ZNF384: variants seen among roughly 807,000 people sequenced by gnomAD.
ZNF384 encodes the protein CAG repeat protein 1.
ZNF384 carries 20 observed loss-of-function variants against 65.0 expected under a neutral mutation model. The observed-to-expected ratio is 0.31, with a 90% CI of 0.22 to 0.45. ZNF384 has a LOEUF of 0.45. Among genes scored for constraint, ZNF384 ranks in the 20% least tolerant of loss-of-function variants. The probability of loss-of-function intolerance (pLI) is 1.00; values close to 1 mark genes in which losing one functional copy is unlikely to be tolerated. For synonymous variants in ZNF384, 310 were observed against 303.9 expected, an observed-to-expected ratio of 1.02 and a Z score of -0.21; for missense variants, 549 against 769.4, an observed-to-expected ratio of 0.71 and a Z score of 3.39.
At position 6,679,039 on chromosome 12, in the gene ZNF384, A is replaced by G. The variant is rs1422508247; in HGVS notation, c.211T>C (p.Ser71Pro). Reference protein sequence around the residue: ...LPSGISMDTESKSDQLTPHSQ... With the variant: ...LPSGISMDTEPKSDQLTPHSQ... ...TGTGGGGTCAGCTGGTCTGACTTGG[A>G]CTCTGTGTCCATACTGATGCCTGAG... The change falls in exon 4 of 12, where the codon TCC becomes CCC. Residue 71 changes from serine to proline, a missense_variant. Ser to Pro is a moderately conservative substitution (Grantham distance 74, BLOSUM62 -1). Around this residue, in one of 5 missense-constraint regions of ZNF384, gnomAD observed 277 missense variants for 337.2 expected, o/e 0.82. Coordinates refer to ENST00000683879, the MANE Select transcript of ZNF384 (RefSeq NM_001385745.1). 6.2e-7 allele frequency: 1 copy of G among 1,613,408 alleles called. No individual in the cohort carries two copies. Among genetic ancestry groups the G allele is most frequent in the East Asian group, 2.2e-5 (1 of 44,832 alleles).
At chr12:6,677,805 G>C (rs1954258422) in intron 6 of ZNF384, among the ~76,000 whole-genome samples, 1 of 152,148 alleles carries the variant, frequency 6.6e-6, no homozygotes, top group South Asian at 2.1e-4. Context: ...GCAAAAAGGA[G>C]CTGCAGCCAA....
chr12:6,684,465 C>A (rs1957209130), intron 2 of ZNF384, among the ~76,000 whole-genome samples: 1 of 152,156 alleles, frequency 6.6e-6, no homozygotes, highest in Non-Finnish European at 1.5e-5. Context: ...CCTCACTTAG[C>A]TACCAAGATA....
At chr12:6,671,651 G>A (rs984929163) in intron 9 of ZNF384, 3 of 152,296 alleles carry the variant, frequency 2.0e-5, no homozygotes, top group African/African-American at 7.2e-5. Flanking sequence ...TCCACAAGAA[G>A]CCGGGTGAGA....
Position 6,672,093 on chromosome 12 carries a change from C to T in ZNF384, c.1187+257G>A, listed in dbSNP as rs1006867207. The T allele has an allele frequency of 2.1e-5, 9 of 423,310 alleles. No individual in the cohort carries two copies. Among genetic ancestry groups the T allele is most frequent in the African/African-American group, 1.4e-4 (7 of 49,710 alleles). The allele number at this position is 423,310 out of a possible 1,614,324, so 26.2% of individuals were successfully genotyped here. A position where few individuals can be genotyped will look rare whatever the true frequency, so the allele number is the denominator to read the frequency against. ...AGAAAAGTTGTTTCTACTCCAGGTA[C>T]GTGTCTGTCTCCCATGGATCAGTGA... On this transcript the variant is annotated intron_variant, in intron 9 of 11. Coordinates refer to ENST00000683879, the MANE Select transcript of ZNF384 (RefSeq NM_001385745.1). The surrounding 1 kb of genome is among the most constrained non-coding windows in gnomAD (Gnocchi z 4.4).
chr12:6,678,753 G>A lies in ZNF384; in HGVS notation c.305-43C>T. 1 of 1,606,084 alleles carries A rather than the reference G, an allele frequency of 6.2e-7. No homozygotes were observed. Among genetic ancestry groups the A allele is most frequent in the Non-Finnish European group, 8.5e-7 (1 of 1,173,074 alleles). On this transcript the variant is annotated intron_variant, in intron 4 of 11. Transcript: ENST00000683879. The surrounding 1 kb of genome is among the most constrained non-coding windows in gnomAD (Gnocchi z 4.9). ...AAGAATGTCACCTCCTCAAAGGCAG[G>A]GACCGCATCTTCTACTTCTTTGTAT...
At chr12:6,686,361 C>A (rs1394886889) in intron 2 of ZNF384, among the ~76,000 whole-genome samples, 4 of 152,204 alleles carry the variant, frequency 2.6e-5, no homozygotes, top group East Asian at 1.9e-4. Flanking sequence ...TCAAGCAATT[C>A]TCCTGCCTCA....
chr12:6,670,842 C>T lies in ZNF384; in HGVS notation c.1188-4G>A. 6.2e-7 allele frequency: 1 copy of T among 1,613,742 alleles called. No individual in the cohort carries two copies. Among genetic ancestry groups the T allele is most frequent in the Non-Finnish European group, 8.5e-7 (1 of 1,179,770 alleles). On this transcript the variant is annotated splice_region_variant and splice_polypyrimidine_tract_variant and intron_variant, in intron 9 of 11. Transcript: ENST00000683879. ...TGGTCTATCACCAGTGTGGATTCTGCACAGGATAAGAGAAAAAAGGGAAAG... is the reference window on the plus strand; with the variant it reads ...TGGTCTATCACCAGTGTGGATTCTGTACAGGATAAGAGAAAAAAGGGAAAG...
intron 7 of ZNF384, among the ~76,000 whole-genome samples, chr12:6,675,919 G>C (rs1235741346): frequency 6.6e-6 from 1 of 152,134 alleles, no homozygotes; most frequent in Non-Finnish European, 1.5e-5. Context: ...GAACCCAACT[G>C]CCCCAATAGC....
chr12:6,677,227 T>C lies in ZNF384; in HGVS notation c.719A>G (p.Gln240Arg). The change falls in exon 7 of 12, where the codon CAG becomes CGG. Residue 240 changes from glutamine to arginine, a missense_variant. This residue lies in a region of ZNF384 where 277 missense variants were observed against 337.2 expected (regional missense o/e 0.82). Coordinates refer to ENST00000683879, the MANE Select transcript of ZNF384 (RefSeq NM_001385745.1). ...AACTGAATCCATGAGCCCAAGGCTC[T>C]GTCCATTTCCTGTGCCGCAGTTCCC... ...SEGNCGTGNG[Q>R]SLGLMDSVPG... 1 of 1,309,128 alleles carries C rather than the reference T, an allele frequency of 7.6e-7. No homozygotes were observed. Among genetic ancestry groups the C allele is most frequent in the Non-Finnish European group, 1.0e-6 (1 of 998,546 alleles). 81.1% of individuals were successfully genotyped at this position (1,309,128 alleles called of 1,614,324 possible).
At position 6,672,978 on chromosome 12, in the gene ZNF384, A is replaced by C; in HGVS notation, c.1004+238T>G. 1.8e-6 allele frequency: 1 copy of C among 541,340 alleles called. No individual in the cohort carries two copies. Among genetic ancestry groups the C allele is most frequent in the Non-Finnish European group, 3.3e-6 (1 of 300,958 alleles). The allele number at this position is 541,340 out of a possible 1,614,324, so 33.5% of individuals were successfully genotyped here. On this transcript the variant is annotated intron_variant, in intron 8 of 11. Transcript: ENST00000683879. The surrounding 1 kb of genome is among the most constrained non-coding windows in gnomAD (Gnocchi z 4.4). Reference sequence around the variant, plus strand: ...CCTGCTCTGCAGAAGATTTCCAAACACAGACACAGAGAGAAACCACAAAAA... The same window carrying C: ...CCTGCTCTGCAGAAGATTTCCAAACCCAGACACAGAGAGAAACCACAAAAA...
At position 6,672,251 on chromosome 12, in the gene ZNF384, T is replaced by TC. The variant is rs1029492851; in HGVS notation, c.1187+98dup. 1 of 1,350,024 alleles carries TC rather than the reference T, an allele frequency of 7.4e-7. No individual in the cohort carries two copies. Among genetic ancestry groups the TC allele is most frequent in the Non-Finnish European group, 1.0e-6 (1 of 1,000,254 alleles). 83.6% of individuals were successfully genotyped at this position (1,350,024 alleles called of 1,614,324 possible). On this transcript the variant is annotated intron_variant, in intron 9 of 11. Transcript: ENST00000683879. The surrounding 1 kb of genome is among the most constrained non-coding windows in gnomAD (Gnocchi z 4.4). ...CAGGTCTCTCCTCCAGCCAGGTCTCTCCCCCGCCCCCCGCATGCGGGTTGT... is the reference window on the plus strand; with the variant it reads ...CAGGTCTCTCCTCCAGCCAGGTCTCTCCCCCCGCCCCCCGCATGCGGGTTGT...
intron 2 of ZNF384, 119 bp from the exon 3 acceptor site, chr12:6,679,644 A>C: frequency 1.4e-6 from 1 of 728,664 alleles, no homozygotes; most frequent in Non-Finnish European, 2.4e-6. Context: ...ATGGCTGGGG[A>C]CTGGCAGTCA....
At chr12:6,687,257 C>G (rs983624027) in intron 2 of ZNF384, among the ~76,000 whole-genome samples, 45 of 152,122 alleles carry the variant, frequency 3.0e-4, no homozygotes, top group Non-Finnish European at 5.7e-4. Context: ...GGACTGCTAC[C>G]ACCACACAGC....
At chr12:6,669,593 G>A (rs901546218) in intron 10 of ZNF384, among the ~76,000 whole-genome samples, 1 of 151,644 alleles carries the variant, frequency 6.6e-6, no homozygotes, top group African/African-American at 2.4e-5. Context: ...TCCGCTTCCC[G>A]GGTTCAAGCG....
Position 6,680,192 on chromosome 12 carries a change from T to C in ZNF384, c.-5-667A>G, listed in dbSNP as rs955105496. ...GTTGCCCAGGCTGGTCTTGAACTCC[T>C]AGGCTCAAGGGATCAGCCCACCTTA... On this transcript the variant is annotated intron_variant, in intron 2 of 11. Transcript: ENST00000683879. Among the ~76,000 whole-genome samples the C allele has an allele frequency of 1.4e-4, 21 of 152,260 alleles. 1 individual carries two copies. Among genetic ancestry groups the C allele is most frequent in the African/African-American group, 4.8e-4 (20 of 41,558 alleles).
Position 6,672,281 on chromosome 12 carries a change from T to G in ZNF384, c.1187+69A>C. 6.7e-7 allele frequency: 1 copy of G among 1,498,344 alleles called. No homozygotes were observed. The highest frequency in any genetic ancestry group is 9.0e-7 in the Non-Finnish European group (1 of 1,110,866). 92.8% of individuals were successfully genotyped at this position (1,498,344 alleles called of 1,614,324 possible). A position where few individuals can be genotyped will look rare whatever the true frequency, so the allele number is the denominator to read the frequency against. Reference sequence around the variant, plus strand: ...CGCCCCCCGCATGCGGGTTGTTGTGTGTGTCCGGGGCGGGGGTGGGGAGGG... The same window carrying G: ...CGCCCCCCGCATGCGGGTTGTTGTGGGTGTCCGGGGCGGGGGTGGGGAGGG... On this transcript the variant is annotated intron_variant, in intron 9 of 11. Coordinates refer to ENST00000683879, the MANE Select transcript of ZNF384 (RefSeq NM_001385745.1). This position sits in a 1 kb window ranked among gnomAD's most constrained non-coding sequence, Gnocchi z 4.4.
chr12:6,667,410 T>C lies in ZNF384; in HGVS notation c.*304A>G, dbSNP rs1950014625. 4 of 519,082 alleles carry C rather than the reference T, an allele frequency of 7.7e-6. No individual in the cohort carries two copies. In the South Asian group the frequency reaches 8.1e-5, roughly 11 times the overall value. The allele number at this position is 519,082 out of a possible 1,614,324, so 32.2% of individuals were successfully genotyped here. ...TAAGTGGCCACACTGGACAAGGTTC[T>C]ATGAGGTCATAGCAAATCCTTCCCT... On this transcript the variant is annotated 3_prime_UTR_variant, in exon 12 of 12. Transcript: ENST00000683879.
At chr12:6,677,108 G>A in intron 7 of ZNF384, 59 bp downstream of exon 7, 1 of 468,014 alleles carries the variant, frequency 2.1e-6, no homozygotes, top group South Asian at 1.7e-5. Flanking sequence ...GGCATAAACA[G>A]AATTATCCCC....
rs913665765 is a variant in ZNF384, at chr12:6,673,824, A to G, written c.780-384T>C. On this transcript the variant is annotated intron_variant, in intron 7 of 11. Coordinates refer to ENST00000683879, the MANE Select transcript of ZNF384 (RefSeq NM_001385745.1). This position sits in a 1 kb window ranked among gnomAD's most constrained non-coding sequence, Gnocchi z 4.7. ...CTTGCTCTGATGTTCCTATGTATGA[A>G]GCACATGCCTCTGTATTCCTCAAGA... 4.6e-5 allele frequency among the ~76,000 whole-genome samples: 7 copies of G among 152,164 alleles called. No homozygotes were observed. The highest frequency in any genetic ancestry group is 7.2e-5 in the African/African-American group (3 of 41,440).
Sources: gnomAD v4.1 joint callset for allele counts (sites outside exome capture counted in the v4.1 genomes callset) on GRCh38, gnomAD v4.1.1 for gene constraint, gnomAD v4.1.1 regional missense constraint, Gnocchi (gnomAD v3.1) non-coding constraint, MANE v1.5 for transcripts, NCBI Gene and HGNC (gene_info 2026-07-23, HGNC 2026-07-21) for gene names.